PEX14: variants seen among roughly 807,000 people sequenced by gnomAD.
PEX14 encodes the protein peroxisomal biogenesis factor 14, also known as peroxisomal membrane protein PEX14.
In PEX14, 15 loss-of-function variants were observed where a neutral mutation model predicts 49.5. That is an observed-to-expected ratio of 0.30 (90% confidence interval 0.20 to 0.47). PEX14 has a LOEUF of 0.47. Ranked by LOEUF, PEX14 falls within the 20% of genes least tolerant of loss-of-function variation. The pLI is 1.00. For synonymous variants in PEX14, 210 were observed against 212.7 expected (o/e 0.99, Z 0.11); for missense variants, 398 against 494.8 (o/e 0.80, Z 1.86).
intron 3 of PEX14, among the ~76,000 whole-genome samples, chr1:10,578,185 T>C (rs1383495867): frequency 6.6e-6 from 1 of 152,152 alleles, no homozygotes; most frequent in Non-Finnish European, 1.5e-5. Flanking sequence ...GACTAACTGC[T>C]GAACTGCCCA....
intron 3 of PEX14, among the ~76,000 whole-genome samples, chr1:10,578,615 A>G (rs1224374343): frequency 2.6e-5 from 4 of 152,178 alleles, no homozygotes; most frequent in South Asian, 2.1e-4. Flanking sequence ...AATAGAAACA[A>G]ATTCACAGGT....
rs547899338 is a variant in PEX14, at chr1:10,517,489, G to C, written c.85-18724G>C. ...GAGAGGCCTGTAATTATAGGTGCTA[G>C]AAATCTGAATTTTAAGAGGTTGTGC... On this transcript the variant is annotated intron_variant, in intron 2 of 8. Transcript: ENST00000356607. Among the ~76,000 whole-genome samples, 6 of 152,242 alleles carry C rather than the reference G, an allele frequency of 3.9e-5. No individual in the cohort carries two copies. In the East Asian group the frequency reaches 1.2e-3, roughly 29 times the overall value.
intron 2 of PEX14, among the ~76,000 whole-genome samples, chr1:10,534,845 A>AAATG (rs1300685940): frequency 1.3e-5 from 2 of 152,202 alleles, no homozygotes; most frequent in Admixed American, 1.3e-4. Flanking sequence ...GTTGCAGGGA[A>AAATG]AATGAATACA....
At chr1:10,568,747 GT>G (rs1235708734) in intron 3 of PEX14, among the ~76,000 whole-genome samples, 1 of 151,944 alleles carries the variant, frequency 6.6e-6, no homozygotes, top group Admixed American at 6.6e-5. Flanking sequence ...GTTTTGTTTT[GT>G]TTTGTTTTTG....
At chr1:10,565,435 C>G (rs1473514579) in intron 3 of PEX14, among the ~76,000 whole-genome samples, 1 of 152,130 alleles carries the variant, frequency 6.6e-6, no homozygotes, top group Admixed American at 6.5e-5. Flanking sequence ...AACAAAGAAC[C>G]TAAAGTTCTT....
chr1:10,489,699 C>G (rs922828161), intron 1 of PEX14, among the ~76,000 whole-genome samples: 1 of 152,222 alleles, frequency 6.6e-6, no homozygotes, highest in Non-Finnish European at 1.5e-5. Flanking sequence ...TTTCTGAAGT[C>G]TGTCCTGCAG....
At chr1:10,608,662 C>CAA (rs1405032420) in intron 4 of PEX14, among the ~76,000 whole-genome samples, 1 of 37,920 alleles carries the variant, frequency 2.6e-5, no homozygotes, top group Non-Finnish European at 5.0e-5. Context: ...GACTCCGTCT[C>CAA]AAAAAAAAAA....
At chr1:10,592,783 C>G (rs1640707868) in intron 3 of PEX14, among the ~76,000 whole-genome samples, 1 of 152,236 alleles carries the variant, frequency 6.6e-6, no homozygotes, top group East Asian at 1.9e-4. Context: ...CCCAGCCTGT[C>G]TGCTTTGGAA....
intron 2 of PEX14, among the ~76,000 whole-genome samples, chr1:10,497,640 T>C (rs1358968842): frequency 6.6e-6 from 1 of 152,204 alleles, no homozygotes; most frequent in Non-Finnish European, 1.5e-5. Context: ...AGCTGCCTGG[T>C]TGGGCGTAGA....
In PEX14 at chr1:10,569,397, A is replaced by C. The variant is rs139776461; in HGVS notation, c.170-29841A>C. On this transcript the variant is annotated intron_variant, in intron 3 of 8. Transcript: ENST00000356607. ...TCCCCTCGGCACCATCAAAGACATC[A>C]GGCAACTTACTGTTTTCTTGGTGCC... Among the ~76,000 whole-genome samples, 111 of 152,274 alleles carry C rather than the reference A, an allele frequency of 7.3e-4. No homozygotes were observed. In the East Asian group the frequency reaches 0.017, roughly 23 times the overall value.
intron 2 of PEX14, among the ~76,000 whole-genome samples, chr1:10,519,157 C>T (rs557012551): frequency 2.6e-5 from 4 of 152,182 alleles, no homozygotes; most frequent in South Asian, 4.2e-4. Flanking sequence ...CCCCCTAACA[C>T]CCCCCTTTTC....
intron 2 of PEX14, among the ~76,000 whole-genome samples, chr1:10,507,268 G>A (rs1641799866): frequency 6.6e-6 from 1 of 152,270 alleles, no homozygotes; most frequent in South Asian, 2.1e-4. Context: ...GGGGAGAGCA[G>A]GTATGGGTGC....
At chr1:10,523,628 TAAA>T (rs34613906) in intron 2 of PEX14, among the ~76,000 whole-genome samples, 5 of 145,714 alleles carry the variant, frequency 3.4e-5, no homozygotes, top group Non-Finnish European at 6.0e-5. Flanking sequence ...TTGTGTAAGG[TAAA>T]AAAAAAAAAA....
At chr1:10,611,773 C>T (rs1641284013) in intron 4 of PEX14, among the ~76,000 whole-genome samples, 1 of 152,210 alleles carries the variant, frequency 6.6e-6, no homozygotes, top group South Asian at 2.1e-4. Flanking sequence ...TACTTATTGG[C>T]CATTCGTATA....
intron 7 of PEX14, among the ~76,000 whole-genome samples, chr1:10,625,981 C>T (rs1005250099): frequency 6.6e-6 from 1 of 152,166 alleles, no homozygotes; most frequent in African/African-American, 2.4e-5. Flanking sequence ...ACTTTGGTTA[C>T]CCCATAAACC....
chr1:10,545,533 TG>T (rs1181047080), intron 3 of PEX14, among the ~76,000 whole-genome samples: 1 of 152,242 alleles, frequency 6.6e-6, no homozygotes, highest in African/African-American at 2.4e-5. Context: ...CACTTGACTT[TG>T]GAAATATTCT....
Position 10,629,836 on chromosome 1 carries a change from A to G in PEX14, c.983A>G (p.Asp328Gly). ...AGGGAGGACAAGGAGGACGAGGAGG[A>G]TGAGGAGGATGATGATGTGAGCCAT... is the stretch of plus-strand genomic sequence containing the variant. ...EKREDKEDEE[D>G]EEDDDVSHVD... The change falls in exon 9 of 9, where the codon GAT (aspartate) becomes GGT (glycine). Residue 328 changes from aspartate to glycine, a missense_variant. Around this residue, in one of 3 missense-constraint regions of PEX14, gnomAD observed 140 missense variants for 155.5 expected, o/e 0.90. Transcript: ENST00000356607. The surrounding 1 kb of genome is among the most constrained non-coding windows in gnomAD (Gnocchi z 8.5). The G allele has an allele frequency of 6.2e-7, 1 of 1,604,198 alleles. No homozygotes were observed.
rs1356177249 is a variant in PEX14 at position 10,621,126 on chromosome 1, T to C, written c.385-1893T>C. Among the ~76,000 whole-genome samples the C allele has an allele frequency of 5.3e-5, 8 of 151,406 alleles. No homozygotes were observed. The East Asian group carries it at 1.6e-3, about 30-fold the overall frequency. On this transcript the variant is annotated intron_variant, in intron 5 of 8. Transcript: ENST00000356607. ...CTCTGTTTTAAAAAGAAAAGAAACA[T>C]TGCAATATCAGTCACAATGGTAACA...
chr1:10,500,353 G>A (rs1171207087), intron 2 of PEX14, among the ~76,000 whole-genome samples: 2 of 118,174 alleles, frequency 1.7e-5, no homozygotes, highest in Non-Finnish European at 3.2e-5. Context: ...CAGCCTGGGC[G>A]ACAGAGCCAG....
Sources: allele counts gnomAD v4.1 joint callset (sites outside exome capture counted in the v4.1 genomes callset), GRCh38; gene constraint gnomAD v4.1.1; regional missense constraint gnomAD v4.1.1; non-coding constraint Gnocchi (gnomAD v3.1); transcripts MANE v1.5; gene names NCBI Gene and HGNC (gene_info 2026-07-23, HGNC 2026-07-21).